The following DCC variants were observed in gnomAD, a reference collection of about 807,000 sequenced individuals.
The protein encoded by DCC is DCC netrin 1 receptor, also known as netrin receptor DCC.
A neutral mutation model predicts 172.5 loss-of-function variants in DCC; 58 were observed. The ratio of observed to expected loss-of-function variants is 0.34; its 90% CI spans 0.27 to 0.42. The LOEUF (loss-of-function observed/expected upper bound fraction) is 0.42, where lower values mean the gene tolerates loss of function less well. DCC is among the 10% of genes least tolerant of loss of function. DCC has a pLI of 1.00. For missense variants in DCC, 1,740 were observed against 1,791.0 expected (o/e 0.97, Z 0.51); for synonymous variants, 709 against 644.5 (o/e 1.10, Z -1.52).
At chr18:52,600,011 C>G (rs1202923572) in intron 1 of DCC, among the ~76,000 whole-genome samples, 4 of 152,162 alleles carry the variant, frequency 2.6e-5, no homozygotes, top group African/African-American at 7.2e-5. Flanking sequence ...GGATAACAGT[C>G]ATATTCTCAA....
chr18:53,517,079 A>C, intron 27 of DCC, among the ~76,000 whole-genome samples: 1 of 142,362 alleles, frequency 7.0e-6, no homozygotes, highest in Non-Finnish European at 1.5e-5. Context: ...CTGGATTAAG[A>C]AAATGTGGCA....
At chr18:52,657,186 A>T (rs2144938832) in intron 1 of DCC, among the ~76,000 whole-genome samples, 1 of 152,308 alleles carries the variant, frequency 6.6e-6, no homozygotes, top group South Asian at 2.1e-4. Context: ...ACTGAGCCAC[A>T]CTATCTCTGT....
chr18:53,147,302 C>A (rs1467612356), intron 7 of DCC, among the ~76,000 whole-genome samples: 1 of 152,070 alleles, frequency 6.6e-6, no homozygotes, highest in African/African-American at 2.4e-5. Context: ...GTAGTCGGGG[C>A]CTTTTTCTTT....
chr18:52,769,846 C>G (rs961047563), intron 2 of DCC, among the ~76,000 whole-genome samples: 3 of 152,170 alleles, frequency 2.0e-5, no homozygotes, highest in Non-Finnish European at 2.9e-5. Flanking sequence ...ATAAAACTGT[C>G]TTTCACCATA....
intron 1 of DCC, among the ~76,000 whole-genome samples, chr18:52,632,321 G>T (rs2144882152): frequency 6.6e-6 from 1 of 152,172 alleles, no homozygotes; most frequent in Admixed American, 6.5e-5. Flanking sequence ...ATCCTCAGTT[G>T]TTAACACAAT....
chr18:52,576,254 A>G (rs2033409040), intron 1 of DCC, among the ~76,000 whole-genome samples: 3 of 152,222 alleles, frequency 2.0e-5, no homozygotes, highest in African/African-American at 4.8e-5. Context: ...ATCCAACAAC[A>G]AAGTGTGAAA....
chr18:53,205,316 C>A lies in DCC; in HGVS notation c.1674C>A (p.Val558=), dbSNP rs1001140828. The A allele has an allele frequency of 7.4e-6, 12 of 1,613,888 alleles. No individual in the cohort carries two copies. Among genetic ancestry groups the A allele is most frequent in the Non-Finnish European group, 9.3e-6 (11 of 1,179,872 alleles). Residue 558 remains valine (V), a synonymous_variant, in exon 10 of 29, where the codon GTC becomes GTA. Transcript: ENST00000442544. ...WEPPAYANGP[V]QGYRLFCTEV... ...CCCCTGCCTATGCAAACGGTCCAGTCCAAGGTTACAGATTGTTCTGCACTG... is the reference window on the plus strand; with the variant it reads ...CCCCTGCCTATGCAAACGGTCCAGTACAAGGTTACAGATTGTTCTGCACTG...
intron 2 of DCC, among the ~76,000 whole-genome samples, chr18:52,807,778 C>A (rs569779262): frequency 6.6e-6 from 1 of 152,106 alleles, no homozygotes; most frequent in East Asian, 1.9e-4. Flanking sequence ...ATCCTCTTTG[C>A]GAAATGCTGC....
intron 1 of DCC, among the ~76,000 whole-genome samples, chr18:52,675,565 C>T (rs1054709579): frequency 2.0e-5 from 3 of 152,182 alleles, no homozygotes; most frequent in Admixed American, 2.0e-4. Flanking sequence ...GGTACATAAT[C>T]TCAGGACCTT....
chr18:52,635,731 G>C (rs1158887759), intron 1 of DCC, among the ~76,000 whole-genome samples: 1 of 151,998 alleles, frequency 6.6e-6, no homozygotes, highest in Non-Finnish European at 1.5e-5. Context: ...CCTGACTCAC[G>C]TTCCATTCTG....
chr18:53,236,481 T>C (rs1197109035), intron 12 of DCC, among the ~76,000 whole-genome samples: 1 of 152,116 alleles, frequency 6.6e-6, no homozygotes, highest in Non-Finnish European at 1.5e-5. Context: ...ATTGTTAACA[T>C]TTTCTACAAA....
intron 7 of DCC, among the ~76,000 whole-genome samples, chr18:53,099,943 C>CTTTTTTTTT (rs533618559): frequency 4.1e-4 from 38 of 92,722 alleles, no homozygotes; most frequent in South Asian, 1.5e-3. Flanking sequence ...TTCTTTCTTT[C>CTTTTTTTTT]TTTTTTTTTT....
rs377485005 is a variant in DCC, at chr18:53,467,879, G to A, written c.3620-15G>A. On this transcript the variant is annotated splice_polypyrimidine_tract_variant and intron_variant, in intron 24 of 28. Transcript: ENST00000442544. ...CTTGAAGAGGGCATGTTTCTCAGGAGTGTGTATTTTTTAGGTCAAGACACT... is the reference window on the plus strand; with the variant it reads ...CTTGAAGAGGGCATGTTTCTCAGGAATGTGTATTTTTTAGGTCAAGACACT... The A allele has an allele frequency of 1.5e-6, 2 of 1,296,430 alleles. No individual in the cohort carries two copies. Among genetic ancestry groups the A allele is most frequent in the Admixed American group, 3.4e-5 (2 of 59,606 alleles). 80.3% of individuals were successfully genotyped at this position (1,296,430 alleles called of 1,614,324 possible).
chr18:52,918,460 T>G (rs539347711), intron 3 of DCC, among the ~76,000 whole-genome samples: 36 of 152,292 alleles, frequency 2.4e-4, no homozygotes, highest in African/African-American at 8.2e-4. Flanking sequence ...CCTTTGCTCT[T>G]AAATATGTGC....
At chr18:53,046,609 A>C (rs1177904487) in intron 5 of DCC, among the ~76,000 whole-genome samples, 1 of 151,974 alleles carries the variant, frequency 6.6e-6, no homozygotes, top group Non-Finnish European at 1.5e-5. Context: ...AAAGTGTTAA[A>C]AAGTTGGGAA....
chr18:52,532,565 G>T (rs1191898806), intron 1 of DCC, among the ~76,000 whole-genome samples: 1 of 152,112 alleles, frequency 6.6e-6, no homozygotes, highest in Non-Finnish European at 1.5e-5. Context: ...CTGCTAATAG[G>T]GAGACAACAG....
intron 1 of DCC, among the ~76,000 whole-genome samples, chr18:52,745,184 T>C (rs970862339): frequency 1.3e-5 from 2 of 152,226 alleles, no homozygotes; most frequent in African/African-American, 4.8e-5. Flanking sequence ...TAAAACGTGT[T>C]GAAATAAGTG....
chr18:53,049,469 T>C (rs1241966043), intron 5 of DCC, among the ~76,000 whole-genome samples: 1 of 151,876 alleles, frequency 6.6e-6, no homozygotes, highest in African/African-American at 2.4e-5. Flanking sequence ...TGTCATGTTG[T>C]TTTGTAGTAG....
chr18:52,484,041 T>C (rs1248894452), intron 1 of DCC, among the ~76,000 whole-genome samples: 1 of 152,096 alleles, frequency 6.6e-6, no homozygotes, highest in South Asian at 2.1e-4. Context: ...TGGGAAAAAA[T>C]AATATTGATT....
Sources: gnomAD v4.1 joint callset for allele counts (sites outside exome capture counted in the v4.1 genomes callset) on GRCh38, gnomAD v4.1.1 for gene constraint, MANE v1.5 for transcripts, NCBI Gene and HGNC (gene_info 2026-07-23, HGNC 2026-07-21) for gene names.